The following WDFY1 variants were observed in gnomAD, a reference collection of about 807,000 sequenced individuals.
WDFY1 encodes the protein WD repeat and FYVE domain containing 1, also known as WD repeat and FYVE domain-containing protein 1.
A neutral mutation model predicts 56.4 loss-of-function variants in WDFY1; 32 were observed. That is an observed-to-expected ratio of 0.57 (90% CI 0.43 to 0.76). The LOEUF (loss-of-function observed/expected upper bound fraction) is 0.76. Among genes scored for constraint, WDFY1 ranks in the 30% least tolerant of loss-of-function variants. The pLI is 0.00. For missense variants in WDFY1, 480 were observed against 545.7 expected, an observed-to-expected ratio of 0.88 and a Z score of 1.20; for synonymous variants, 192 against 197.3, an observed-to-expected ratio of 0.97 and a Z score of 0.23.
chr2:223,895,952 G>A (rs962520823), intron 6 of WDFY1, among the ~76,000 whole-genome samples: 6 of 151,830 alleles, frequency 4.0e-5, no homozygotes, highest in Non-Finnish European at 7.4e-5. Flanking sequence ...GAAGCCAGGA[G>A]TTCAAGACTA....
At position 223,942,527 on chromosome 2, in the gene WDFY1, C is replaced by CTTTTTTTTTTTTTTT. The variant is rs57223015; in HGVS notation, c.137+2606_137+2620dup. Among the ~76,000 whole-genome samples the CTTTTTTTTTTTTTTT allele has an allele frequency of 6.7e-4, 50 of 74,228 alleles. 4 individuals are homozygous for CTTTTTTTTTTTTTTT. Among genetic ancestry groups the CTTTTTTTTTTTTTTT allele is most frequent in the African/African-American group, 1.9e-3 (30 of 16,170 alleles). The allele number at this position is 74,228 out of a possible 152,430, so 48.7% of individuals were successfully genotyped here. On this transcript the variant is annotated intron_variant, in intron 1 of 11. Coordinates refer to ENST00000233055, the MANE Select transcript of WDFY1 (RefSeq NM_020830.5). ...GCCACTGCGCCTGGCCAAAGGCTAA[C>CTTTTTTTTTTTTTTT]TTTTTTTTTTTTTTTTTTTGAGACG...
chr2:223,890,944 C>T (rs964205723), intron 8 of WDFY1, among the ~76,000 whole-genome samples: 10 of 152,152 alleles, frequency 6.6e-5, no homozygotes, highest in Non-Finnish European at 4.4e-5. Context: ...AACTCGACAG[C>T]GTAGTGGTTG....
At position 223,878,720 on chromosome 2, in the gene WDFY1, A is replaced by G. The variant is rs1350708120; in HGVS notation, c.1184T>C (p.Met395Thr). The G allele has an allele frequency of 6.2e-7, 1 of 1,609,356 alleles. No individual in the cohort carries two copies. Among genetic ancestry groups the G allele is most frequent in the Non-Finnish European group, 8.5e-7 (1 of 1,177,282 alleles). Residue 395 changes from methionine to threonine, a missense_variant, in exon 12 of 12, where the codon ATG becomes ACG. Physicochemically the swap from Met to Thr is moderately conservative, Grantham distance 81. Transcript: ENST00000233055. ...CAGACTGCAGCCCACCACAGGTGTCATGTCCCAGATCTACAAGGAAGGAAG... is the reference window on the plus strand; with the variant it reads ...CAGACTGCAGCCCACCACAGGTGTCGTGTCCCAGATCTACAAGGAAGGAAG... ...GTDRIVKIWD[M>T]TPVVGCSLAT...
chr2:223,916,253 A>G lies in WDFY1; in HGVS notation c.205+1690T>C, dbSNP rs139704324. On this transcript the variant is annotated intron_variant, in intron 2 of 11. Transcript: ENST00000233055. The stretch of plus-strand genomic sequence containing the variant: ...TTGTGAAAATTATTACAGAATCTAA[A>G]TGCTGCATGCACAATGAAATAGGTA... 8.7e-3 allele frequency among the ~76,000 whole-genome samples: 1,332 copies of G among 152,314 alleles called. 19 individuals carry two copies. The highest frequency in any genetic ancestry group is 0.028 in the African/African-American group (1,148 of 41,558).
At chr2:223,901,402 C>T (rs895821749) in intron 4 of WDFY1, 69 bp from the exon 5 acceptor site, 10 of 1,568,554 alleles carry the variant, frequency 6.4e-6, no homozygotes, top group African/African-American at 1.3e-5. Flanking sequence ...AACTGAGGCT[C>T]AACCTCTCAA....
intron 5 of WDFY1, among the ~76,000 whole-genome samples, chr2:223,900,018 T>C (rs16865312): frequency 0.028 from 4,209 of 152,276 alleles, 206 homozygotes; most frequent in African/African-American, 0.095. Flanking sequence ...TTAGAAAATA[T>C]ATTAACTATT....
chr2:223,896,178 A>AAAACAAAAAAC (rs1693372388), intron 6 of WDFY1, among the ~76,000 whole-genome samples: 1 of 148,018 alleles, frequency 6.8e-6, no homozygotes, highest in African/African-American at 2.5e-5. Flanking sequence ...AAAAAAAAAA[A>AAAACAAAAAAC]AAAAACTGCT....
intron 1 of WDFY1, among the ~76,000 whole-genome samples, chr2:223,944,491 A>C (rs773510382): frequency 6.9e-6 from 1 of 144,330 alleles, no homozygotes; most frequent in Admixed American, 6.8e-5. Context: ...CGGCTTGAGC[A>C]GCGCGGTGAG....
At position 223,901,891 on chromosome 2, in the gene WDFY1, A is replaced by T. The variant is rs140606259; in HGVS notation, c.335-558T>A. 2.7e-3 allele frequency among the ~76,000 whole-genome samples: 414 copies of T among 152,312 alleles called. 4 individuals carry two copies. The highest frequency in any genetic ancestry group is 9.3e-3 in the African/African-American group (387 of 41,568). On this transcript the variant is annotated intron_variant, in intron 4 of 11. Transcript: ENST00000233055. Reference sequence around the variant, plus strand: ...AACATTTTATTATTTACAAAGACAAAGCTTTTGTAAAGTTCTCTGTTCCAA... The same window carrying T: ...AACATTTTATTATTTACAAAGACAATGCTTTTGTAAAGTTCTCTGTTCCAA...
At chr2:223,933,994 A>G (rs1440667905) in intron 1 of WDFY1, among the ~76,000 whole-genome samples, 1 of 149,222 alleles carries the variant, frequency 6.7e-6, no homozygotes, top group Admixed American at 6.7e-5. Context: ...CTCGAACCCT[A>G]TCCATGGCCT....
intron 4 of WDFY1, among the ~76,000 whole-genome samples, chr2:223,902,561 T>C (rs1160726335): frequency 1.3e-5 from 2 of 152,098 alleles, no homozygotes; most frequent in Non-Finnish European, 2.9e-5. Flanking sequence ...CGAGACCCTG[T>C]CTCTAATTAA....
chr2:223,924,437 C>T (rs1166692572), intron 1 of WDFY1, among the ~76,000 whole-genome samples: 2 of 152,220 alleles, frequency 1.3e-5, no homozygotes, highest in Admixed American at 6.5e-5. Context: ...AAGTTCAGCT[C>T]ACTGTAACCT....
At chr2:223,897,534 C>T (rs1474653582) in intron 6 of WDFY1, among the ~76,000 whole-genome samples, 2 of 151,654 alleles carry the variant, frequency 1.3e-5, no homozygotes, top group Non-Finnish European at 2.9e-5. Context: ...CACCTGCCAA[C>T]GTCCAGCTAA....
Position 223,899,055 on chromosome 2 carries a change from A to T in WDFY1, c.501T>A (p.Thr167=), listed in dbSNP as rs1332084519. The T allele has an allele frequency of 6.2e-7, 1 of 1,614,108 alleles. No homozygotes were observed. The highest frequency in any genetic ancestry group is 2.2e-5 in the East Asian group (1 of 44,870). The change falls in exon 6 of 12, where the codon ACT becomes ACA. Residue 167 remains threonine (T), a synonymous_variant. Coordinates refer to ENST00000233055, the MANE Select transcript of WDFY1 (RefSeq NM_020830.5). Reference sequence around the variant, plus strand: ...AATAATCACCAACGAAAGCATACTGAGTGTCAAAGTCATATCTGAGGAGAA... The same window carrying T: ...AATAATCACCAACGAAAGCATACTGTGTGTCAAAGTCATATCTGAGGAGAA... ...WASCLQYDFD[T]QYAFVGDYSG...
At chr2:223,891,970 TTA>T (rs199942629) in intron 8 of WDFY1, among the ~76,000 whole-genome samples, 1 of 151,436 alleles carries the variant, frequency 6.6e-6, no homozygotes, top group Non-Finnish European at 1.5e-5. Context: ...ATCCTATAAT[TTA>T]TATATATATA....
intron 3 of WDFY1, among the ~76,000 whole-genome samples, chr2:223,909,198 G>A (rs768312068): frequency 3.9e-5 from 6 of 152,120 alleles, no homozygotes; most frequent in Non-Finnish European, 2.9e-5. Flanking sequence ...TAGTGATTCC[G>A]AAGCTCTAGG....
Position 223,912,243 on chromosome 2 carries a change from A to T in WDFY1, c.279+10T>A. ...AAGAATACAATAAATACATTCTAAA[A>T]GCTACCTACCATTACAGCTCCATTA... On this transcript the variant is annotated intron_variant, in intron 3 of 11. Coordinates refer to ENST00000233055, the MANE Select transcript of WDFY1 (RefSeq NM_020830.5). 6.2e-7 allele frequency: 1 copy of T among 1,604,608 alleles called. No homozygotes were observed. Among genetic ancestry groups the T allele is most frequent in the Non-Finnish European group, 8.5e-7 (1 of 1,177,420 alleles).
At chr2:223,932,571 C>A (rs1406607549) in intron 1 of WDFY1, among the ~76,000 whole-genome samples, 2 of 152,098 alleles carry the variant, frequency 1.3e-5, no homozygotes, top group African/African-American at 4.8e-5. Flanking sequence ...AAAACACACC[C>A]TAATCACTCC....
intron 8 of WDFY1, among the ~76,000 whole-genome samples, chr2:223,889,277 G>A (rs1055111441): frequency 1.3e-5 from 2 of 152,142 alleles, no homozygotes; most frequent in African/African-American, 4.8e-5. Context: ...ACAAAGTCTA[G>A]GAGTCAGATC....
Sources: gnomAD v4.1 joint callset for allele counts (sites outside exome capture counted in the v4.1 genomes callset) on GRCh38, gnomAD v4.1.1 for gene constraint, MANE v1.5 for transcripts, NCBI Gene and HGNC (gene_info 2026-07-23, HGNC 2026-07-21) for gene names.